WDSUB1: variants seen among roughly 807,000 people sequenced by gnomAD.
WDSUB1 encodes the protein WD repeat, sterile alpha motif and U-box domain containing 1.
Under a neutral mutation model 53.9 loss-of-function variants are expected in WDSUB1, and 49 were observed. The ratio of observed to expected loss-of-function variants is 0.91; its 90% CI spans 0.72 to 1.15. The LOEUF (loss-of-function observed/expected upper bound fraction) is 1.15, where lower values mean the gene tolerates loss of function less well. Among genes scored for constraint, WDSUB1 ranks in the 50% most tolerant of loss-of-function variants. The pLI is 0.00. For synonymous variants in WDSUB1, 194 were observed against 200.6 expected, an observed-to-expected ratio of 0.97 and a Z score of 0.28; for missense variants, 514 against 562.0, an observed-to-expected ratio of 0.91 and a Z score of 0.86.
intron 1 of WDSUB1, among the ~76,000 whole-genome samples, chr2:159,284,330 CCT>C (rs2061741984): frequency 6.6e-6 from 1 of 152,138 alleles, no homozygotes; most frequent in South Asian, 2.1e-4. Flanking sequence ...ACCTTTGAAG[CCT>C]TTCTCATAAG....
intron 10 of WDSUB1, among the ~76,000 whole-genome samples, chr2:159,237,521 A>C (rs181420591): frequency 0.015 from 1,954 of 131,072 alleles, 44 homozygotes; most frequent in African/African-American, 0.068. Flanking sequence ...ACTCCATCTC[A>C]AAAAAAAAAA....
chr2:159,263,937 A>G (rs1475282585), intron 5 of WDSUB1, among the ~76,000 whole-genome samples: 1 of 152,196 alleles, frequency 6.6e-6, no homozygotes, highest in East Asian at 1.9e-4. Context: ...CAATGTTATG[A>G]GGAAAGTGCT....
intron 3 of WDSUB1, among the ~76,000 whole-genome samples, chr2:159,276,822 G>T (rs967645381): frequency 6.6e-5 from 10 of 152,110 alleles, no homozygotes; most frequent in African/African-American, 2.2e-4. Flanking sequence ...AGGAAAGATG[G>T]TAAGACCCTG....
intron 6 of WDSUB1, among the ~76,000 whole-genome samples, chr2:159,258,439 A>C (rs942565741): frequency 6.6e-6 from 1 of 152,224 alleles, no homozygotes; most frequent in Non-Finnish European, 1.5e-5. Context: ...CAGGTGGATC[A>C]CTTGAGCTCA....
intron 4 of WDSUB1, among the ~76,000 whole-genome samples, chr2:159,275,034 T>TA (rs746969502): frequency 3.3e-5 from 5 of 151,860 alleles, no homozygotes; most frequent in Non-Finnish European, 7.4e-5. Context: ...ATGTGGGGGA[T>TA]AAAAAAAGAG....
At position 159,241,719 on chromosome 2, in the gene WDSUB1, C is replaced by CTTTTTTTTTTTTTTTTT. The variant is rs527377114; in HGVS notation, c.1274-5530_1274-5529insAAAAAAAAAAAAAAAAA. On this transcript the variant is annotated intron_variant, in intron 10 of 10. Coordinates refer to ENST00000359774, the MANE Select transcript of WDSUB1 (RefSeq NM_001128212.3). ...CATGACTGGGGATGTTTTCTTTTTT[C>CTTTTTTTTTTTTTTTTT]TTTTTTTTTTTGAGATGGAGTCTCA... 3.4e-4 allele frequency among the ~76,000 whole-genome samples: 44 copies of CTTTTTTTTTTTTTTTTT among 130,314 alleles called. 2 individuals are homozygous for CTTTTTTTTTTTTTTTTT. Among genetic ancestry groups the CTTTTTTTTTTTTTTTTT allele is most frequent in the Non-Finnish European group, 5.5e-4 (35 of 63,098 alleles). The allele number at this position is 130,314 out of a possible 152,430, so 85.5% of individuals were successfully genotyped here. A position where few individuals can be genotyped will look rare whatever the true frequency, so the allele number is the denominator to read the frequency against.
chr2:159,243,300 G>A (rs2060708816), intron 10 of WDSUB1, among the ~76,000 whole-genome samples: 1 of 147,610 alleles, frequency 6.8e-6, no homozygotes, highest in South Asian at 2.1e-4. Context: ...TCCAGGGGCT[G>A]GGGTCGGAAG....
At chr2:159,236,275 G>A (rs922681398) in intron 10 of WDSUB1, 85 bp from the exon 11 acceptor site, 30 of 1,321,820 alleles carry the variant, frequency 2.3e-5, no homozygotes, top group Non-Finnish European at 3.0e-5. Flanking sequence ...AAAACTCCCT[G>A]CAGAGGCCTT....
intron 9 of WDSUB1, among the ~76,000 whole-genome samples, chr2:159,253,386 G>T (rs2060993618): frequency 6.6e-6 from 1 of 151,770 alleles, no homozygotes; most frequent in Non-Finnish European, 1.5e-5. Flanking sequence ...CACAATCCTA[G>T]AAAATGACTA....
chr2:159,271,742 C>A lies in WDSUB1; in HGVS notation c.730G>T (p.Ala244Ser), dbSNP rs749878640. 7.4e-6 allele frequency: 12 copies of A among 1,614,106 alleles called. No homozygotes were observed. Among genetic ancestry groups the A allele is most frequent in the Middle Eastern group, 1.6e-4 (1 of 6,062 alleles). The change falls in exon 5 of 11, where the codon GCT becomes TCT. Residue 244 changes from alanine (A) to serine (S), a missense_variant. Ala to Ser is a moderately conservative substitution (Grantham distance 99, BLOSUM62 1). Transcript: ENST00000359774. The part of the protein sequence containing the change: ...TLSGHCAPVL[A>S]CAFSHDGQML... ...TGCCCATCATGGGAAAAAGCACAAGCCAGAACAGGAGCACAGTGCCCACTC... is the reference window on the plus strand; with the variant it reads ...TGCCCATCATGGGAAAAAGCACAAGACAGAACAGGAGCACAGTGCCCACTC...
In WDSUB1 at chr2:159,280,002, C is replaced by T; in HGVS notation, c.399-57G>A. 2.8e-6 allele frequency: 4 copies of T among 1,452,250 alleles called. No homozygotes were observed. The South Asian group carries it at 5.5e-5, about 20-fold the overall frequency. The allele number at this position is 1,452,250 out of a possible 1,614,324, so 90.0% of individuals were successfully genotyped here. On this transcript the variant is annotated intron_variant, in intron 2 of 10. Transcript: ENST00000359774. Reference sequence around the variant, plus strand: ...TCAGAGTATCCTTTACTTTATACCACAGTCTCTAACAGCAGCTTGATACAG... The same window carrying T: ...TCAGAGTATCCTTTACTTTATACCATAGTCTCTAACAGCAGCTTGATACAG...
At chr2:159,237,622 T>C (rs562082105) in intron 10 of WDSUB1, among the ~76,000 whole-genome samples, 13 of 152,256 alleles carry the variant, frequency 8.5e-5, no homozygotes, top group South Asian at 8.3e-4. Flanking sequence ...TAAGTAACCA[T>C]GTGTAATCCA....
At position 159,259,799 on chromosome 2, in the gene WDSUB1, T is replaced by A; in HGVS notation, c.804+11A>T. On this transcript the variant is annotated intron_variant, in intron 6 of 10. Transcript: ENST00000359774. ...CTTTCATAGATCACCACAAGATTTT[T>A]AAATACTTACAGTATCATATACTAT... The A allele has an allele frequency of 6.6e-7, 1 of 1,521,146 alleles. No individual in the cohort carries two copies. The allele number at this position is 1,521,146 out of a possible 1,614,324, so 94.2% of individuals were successfully genotyped here.
chr2:159,282,471 C>G (rs575732066), intron 2 of WDSUB1, among the ~76,000 whole-genome samples: 106 of 152,288 alleles, frequency 7.0e-4, no homozygotes, highest in African/African-American at 2.5e-3. Context: ...GGATTACACG[C>G]GTGAGCCACA....
intron 5 of WDSUB1, among the ~76,000 whole-genome samples, chr2:159,265,460 G>T (rs188284393): frequency 1.2e-4 from 19 of 152,250 alleles, no homozygotes; most frequent in Non-Finnish European, 2.2e-4. Flanking sequence ...GGCTAGGTGT[G>T]GTGACTCATG....
At chr2:159,251,656 A>G (rs2060953649) in intron 9 of WDSUB1, among the ~76,000 whole-genome samples, 1 of 152,224 alleles carries the variant, frequency 6.6e-6, no homozygotes. Context: ...AGTATTGGGC[A>G]ATATCTGGCT....
intron 5 of WDSUB1, among the ~76,000 whole-genome samples, chr2:159,260,689 C>G (rs564562812): frequency 6.6e-6 from 1 of 152,150 alleles, no homozygotes; most frequent in African/African-American, 2.4e-5. Context: ...AAAAGAACAT[C>G]ACACACACAA....
At position 159,236,157 on chromosome 2, in the gene WDSUB1, T is replaced by C; in HGVS notation, c.1307A>G (p.Asn436Ser). The change falls in exon 11 of 11, where the codon AAT (asparagine) becomes AGT (serine). Residue 436 changes from asparagine to serine, a missense_variant. Asn to Ser is a conservative substitution (Grantham distance 46). Coordinates refer to ENST00000359774, the MANE Select transcript of WDSUB1 (RefSeq NM_001128212.3). ...TGTACGTTTCTTTTTGCTGATCCAA[T>C]TTTCCATTGCTTCCTTTTCATATGA... is the stretch of plus-strand genomic sequence containing the variant. The part of the protein sequence containing the change: ...GYSYEKEAME[N>S]WISKKKRTSP... The C allele has an allele frequency of 6.2e-7, 1 of 1,612,312 alleles. No individual in the cohort carries two copies. Among genetic ancestry groups the C allele is most frequent in the Middle Eastern group, 1.7e-4 (1 of 6,058 alleles).
chr2:159,248,342 C>G (rs2060867081), intron 10 of WDSUB1, 30 bp downstream of exon 10: 1 of 1,599,964 alleles, frequency 6.3e-7, no homozygotes, highest in Non-Finnish European at 8.5e-7. Flanking sequence ...ACAAAACATC[C>G]CCTGCAACTT....
Sources: allele counts gnomAD v4.1 joint callset (sites outside exome capture counted in the v4.1 genomes callset), GRCh38; gene constraint gnomAD v4.1.1; transcripts MANE v1.5; gene names NCBI Gene and HGNC (gene_info 2026-07-23, HGNC 2026-07-21).